The following CHAF1A variants were observed in gnomAD, a reference collection of about 807,000 sequenced individuals.
The protein encoded by CHAF1A is CAF-1 subunit A.
Under a neutral mutation model 93.2 loss-of-function variants are expected in CHAF1A, and 5 were observed. The observed-to-expected ratio is 0.05, with a 90% CI of 0.03 to 0.11. The LOEUF (loss-of-function observed/expected upper bound fraction) is 0.11, where lower values mean the gene tolerates loss of function less well. Among genes scored for constraint, CHAF1A ranks in the 10% least tolerant of loss-of-function variants. The pLI, the probability that CHAF1A is intolerant of heterozygous loss-of-function variation, is 1.00. For synonymous variants in CHAF1A, 504 were observed against 510.3 expected (o/e 0.99, Z 0.17); for missense variants, 1,102 against 1,259.9 (o/e 0.87, Z 1.90).
chr19:4,424,531 A>C (rs1159912848), intron 7 of CHAF1A, among the ~76,000 whole-genome samples: 2 of 151,974 alleles, frequency 1.3e-5, no homozygotes, highest in East Asian at 3.9e-4. Flanking sequence ...TTGCACAATC[A>C]AAGCTCACCA....
intron 4 of CHAF1A, among the ~76,000 whole-genome samples, chr19:4,419,910 G>A (rs1170484028): frequency 6.6e-6 from 1 of 152,140 alleles, no homozygotes; most frequent in Admixed American, 6.6e-5. Context: ...GCAACAGGGT[G>A]GGAGACTCTT....
At chr19:4,423,436 G>A in intron 6 of CHAF1A, 41 bp downstream of exon 6, 1 of 1,610,930 alleles carries the variant, frequency 6.2e-7, no homozygotes, top group Non-Finnish European at 8.5e-7. Context: ...CCAGCCCGTT[G>A]GAGAAGCAGA....
chr19:4,436,136 T>TCC (rs199797940), intron 13 of CHAF1A, among the ~76,000 whole-genome samples: 47 of 143,210 alleles, frequency 3.3e-4, no homozygotes, highest in African/African-American at 7.5e-4. Context: ...AAGATTCTAG[T>TCC]CCCCCAAAAA....
chr19:4,431,973 C>T lies in CHAF1A; in HGVS notation c.1969C>T (p.His657Tyr), dbSNP rs1974190949. ...VTEECADPEN[H>Y]KVRQKLKAKE... ...CAAGGAGTGTGCCGACCCTGAGAAC[C>T]ATAAGGTCCGCCAGAAACTGAAGGC... The change falls in exon 12 of 15, where the codon CAT (histidine) becomes TAT (tyrosine). Residue 657 changes from histidine to tyrosine, a missense_variant. His to Tyr is a moderately conservative substitution (Grantham distance 83). Transcript: ENST00000301280. The T allele has an allele frequency of 6.2e-7, 1 of 1,611,904 alleles. No homozygotes were observed. Among genetic ancestry groups the T allele is most frequent in the Non-Finnish European group, 8.5e-7 (1 of 1,178,328 alleles).
intron 12 of CHAF1A, 89 bp from the exon 13 acceptor site, chr19:4,432,981 C>A: frequency 9.2e-7 from 1 of 1,087,544 alleles, no homozygotes; most frequent in South Asian, 1.6e-5. Context: ...GCCTCGGTGG[C>A]AATGAGCTTG....
In CHAF1A at chr19:4,428,514, G is replaced by A. The variant is rs146271370; in HGVS notation, c.1378-150G>A. On this transcript the variant is annotated intron_variant, in intron 7 of 14. Coordinates refer to ENST00000301280, the MANE Select transcript of CHAF1A (RefSeq NM_005483.3). ...CTCTGCCCTGTAGCTCTGGAAACTCGGCTCTGTGGACCCACACAGTGCCTG... is the reference window on the plus strand; with the variant it reads ...CTCTGCCCTGTAGCTCTGGAAACTCAGCTCTGTGGACCCACACAGTGCCTG... 5.2e-4 allele frequency: 345 copies of A among 664,904 alleles called. 1 individual carries two copies. The East Asian group carries it at 8.7e-3, about 17-fold the overall frequency. The allele number at this position is 664,904 out of a possible 1,614,324, so 41.2% of individuals were successfully genotyped here.
At position 4,433,165 on chromosome 19, in the gene CHAF1A, A is replaced by G; in HGVS notation, c.2299A>G (p.Ser767Gly). 1 of 1,613,800 alleles carries G rather than the reference A, an allele frequency of 6.2e-7. No individual in the cohort carries two copies. Among genetic ancestry groups the G allele is most frequent in the South Asian group, 1.1e-5 (1 of 91,070 alleles). Residue 767 changes from serine to glycine, a missense_variant, in exon 13 of 15, where the codon AGC (serine) becomes GGC (glycine). Physicochemically the swap from Ser to Gly is moderately conservative, Grantham distance 56. Around this residue, in one of 6 missense-constraint regions of CHAF1A, gnomAD observed 335 missense variants for 361.9 expected, o/e 0.93. Coordinates refer to ENST00000301280, the MANE Select transcript of CHAF1A (RefSeq NM_005483.3). This position sits in a 1 kb window ranked among gnomAD's most constrained non-coding sequence, Gnocchi z 5.6. ...FQEHCRRGLL[S>G]NHTGSPRSPS... ...GGAGCACTGCCGCCGGGGACTGCTCAGCAACCACACCGGCAGCCCGCGGAG... is the reference window on the plus strand; with the variant it reads ...GGAGCACTGCCGCCGGGGACTGCTCGGCAACCACACCGGCAGCCCGCGGAG...
intron 4 of CHAF1A, among the ~76,000 whole-genome samples, chr19:4,420,756 C>T (rs139934925): frequency 5.1e-4 from 78 of 152,108 alleles, no homozygotes; most frequent in Non-Finnish European, 9.6e-4. Context: ...GCCTGGGCAA[C>T]GTAGTGTCTC....
downstream of CHAF1A, chr19:4,447,966 G>A (rs1045537635): frequency 3.0e-5 from 15 of 499,918 alleles, no homozygotes; most frequent in Middle Eastern, 5.4e-4. Context: ...GGGCTCCTGC[G>A]GGGTGCTCCC....
At position 4,430,602 on chromosome 19, in the gene CHAF1A, G is replaced by A. The variant is rs1406731870; in HGVS notation, c.1908G>A (p.Val636=). The part of the protein sequence containing the change: ...EDEDEDDGFF[V]PHGYLSEDEG... ...AAGATGAGGACGATGGTTTCTTTGT[G>A]CCCCATGGGTACCTGTCTGAGGACG... is the stretch of plus-strand genomic sequence containing the variant. Residue 636 remains valine, a synonymous_variant, in exon 11 of 15, where the codon GTG becomes GTA. Transcript: ENST00000301280. The A allele has an allele frequency of 6.2e-7, 1 of 1,613,584 alleles. No homozygotes were observed. The highest frequency in any genetic ancestry group is 8.5e-7 in the Non-Finnish European group (1 of 1,179,896).
chr19:4,446,760 A>G, downstream of CHAF1A: 1 of 1,611,402 alleles, frequency 6.2e-7, no homozygotes, highest in Non-Finnish European at 8.5e-7. Context: ...TGCAATGGAG[A>G]GACCCCCAAG....
Position 4,430,583 on chromosome 19 carries a change from A to G in CHAF1A, c.1889A>G (p.Glu630Gly). The change falls in exon 11 of 15, where the codon GAG becomes GGG. Residue 630 changes from glutamate (E) to glycine (G), a missense_variant. By Grantham distance (98) the Glu-to-Gly change is moderately conservative. Coordinates refer to ENST00000301280, the MANE Select transcript of CHAF1A (RefSeq NM_005483.3). ...GACGACATGGGAGAGGATGAAGATG[A>G]GGACGATGGTTTCTTTGTGCCCCAT... ...DDDDMGEDED[E>G]DDGFFVPHGY... 6.2e-7 allele frequency: 1 copy of G among 1,612,638 alleles called. No homozygotes were observed. The highest frequency in any genetic ancestry group is 8.5e-7 in the Non-Finnish European group (1 of 1,179,072).
chr19:4,408,594 C>T (rs1414109990), intron 2 of CHAF1A, among the ~76,000 whole-genome samples: 3 of 150,324 alleles, frequency 2.0e-5, no homozygotes, highest in Non-Finnish European at 4.4e-5. Context: ...CTACCTCAGC[C>T]TCCTCAGTAA....
intron 13 of CHAF1A, among the ~76,000 whole-genome samples, chr19:4,441,306 ACT>A (rs758605548): frequency 4.0e-5 from 6 of 151,436 alleles, no homozygotes; most frequent in Admixed American, 3.9e-4. Flanking sequence ...ATATGGCAAG[ACT>A]CTGTCTCAAG....
At chr19:4,417,911 T>G in intron 3 of CHAF1A, 109 bp from the exon 4 acceptor site, 1 of 685,922 alleles carries the variant, frequency 1.5e-6, no homozygotes, top group East Asian at 2.7e-5. Flanking sequence ...GACCCTATTA[T>G]GACATTTTGG....
intron 13 of CHAF1A, among the ~76,000 whole-genome samples, chr19:4,441,572 C>T (rs1568184644): frequency 6.6e-6 from 1 of 152,004 alleles, no homozygotes; most frequent in Non-Finnish European, 1.5e-5. Flanking sequence ...TGTGCCACTG[C>T]ACTCCAGCCT....
Position 4,402,749 on chromosome 19 carries a change from C to G in CHAF1A, c.-14C>G. The G allele has an allele frequency of 1.7e-6, 2 of 1,201,972 alleles. No homozygotes were observed. The highest frequency in any genetic ancestry group is 2.1e-6 in the Non-Finnish European group (2 of 968,530). 74.5% of individuals were successfully genotyped at this position (1,201,972 alleles called of 1,614,324 possible). ...CTCCGCCGCCTGAGAGGAGGTCGAG[C>G]TGCCGCCGGGGCGATGCTGGAGGAG... On this transcript the variant is annotated 5_prime_UTR_variant, in exon 1 of 15. Transcript: ENST00000301280.
chr19:4,428,054 C>T (rs1974116723), intron 7 of CHAF1A, among the ~76,000 whole-genome samples: 1 of 149,342 alleles, frequency 6.7e-6, no homozygotes, highest in African/African-American at 2.5e-5. Flanking sequence ...GATGGGGTTT[C>T]ACCATGTTGG....
chr19:4,431,375 C>T (rs941665294), intron 11 of CHAF1A, among the ~76,000 whole-genome samples: 3 of 151,960 alleles, frequency 2.0e-5, no homozygotes, highest in Non-Finnish European at 2.9e-5. Flanking sequence ...GTGATCCACC[C>T]GCCTCGGCCT....
Sources: allele counts gnomAD v4.1 joint callset (sites outside exome capture counted in the v4.1 genomes callset), GRCh38; gene constraint gnomAD v4.1.1; regional missense constraint gnomAD v4.1.1; non-coding constraint Gnocchi (gnomAD v3.1); transcripts MANE v1.5; gene names NCBI Gene and HGNC (gene_info 2026-07-23, HGNC 2026-07-21).